Variants in DIAPH2 observed in about 807,000 individuals in gnomAD.
The protein encoded by DIAPH2 is protein diaphanous homolog 2.
In DIAPH2, 35 loss-of-function variants were observed where a neutral mutation model predicts 92.7. The ratio of observed to expected loss-of-function variants is 0.38; its 90% CI spans 0.29 to 0.50. The LOEUF (loss-of-function observed/expected upper bound fraction) is 0.50. DIAPH2 is among the 20% of genes least tolerant of loss of function. The pLI is 0.94. For missense variants in DIAPH2, 701 were observed against 819.5 expected (o/e 0.86, Z 1.77); for synonymous variants, 301 against 280.4 (o/e 1.07, Z -0.73).
chrX:97,373,095 A>G (rs891426796), intron 24 of DIAPH2, among the ~76,000 whole-genome samples: 1 of 112,343 alleles, frequency 8.9e-6, no homozygotes, highest in South Asian at 3.7e-4. Flanking sequence ...TGGAGACTCA[A>G]TGTAAACACT....
intron 23 of DIAPH2, among the ~76,000 whole-genome samples, chrX:97,262,423 C>T (rs767996326): frequency 7.2e-5 from 8 of 111,684 alleles, no homozygotes; most frequent in Non-Finnish European, 1.1e-4. Flanking sequence ...TACAAACACA[C>T]GTAAGGTATA....
intron 23 of DIAPH2, among the ~76,000 whole-genome samples, chrX:97,337,513 T>C (rs2069074673): frequency 9.0e-6 from 1 of 111,392 alleles, no homozygotes; most frequent in Non-Finnish European, 1.9e-5. Flanking sequence ...TGCCACCCTG[T>C]GAAGAGGCGC....
At chrX:97,519,753 A>G (rs756988572) in intron 26 of DIAPH2, among the ~76,000 whole-genome samples, 3 of 110,552 alleles carry the variant, frequency 2.7e-5, no homozygotes, top group African/African-American at 6.6e-5. Context: ...TTTTTTTGAG[A>G]TGGAGTCTCA....
intron 22 of DIAPH2, among the ~76,000 whole-genome samples, chrX:97,161,650 G>T (rs1351213831): frequency 9.0e-6 from 1 of 111,419 alleles, no homozygotes; most frequent in Non-Finnish European, 1.9e-5. Flanking sequence ...ATGCGTTAAG[G>T]CTGGGAAGCC....
intron 16 of DIAPH2, among the ~76,000 whole-genome samples, chrX:96,963,545 G>A (rs2065877426): frequency 9.0e-6 from 1 of 111,461 alleles, no homozygotes; most frequent in Non-Finnish European, 1.9e-5. Context: ...AGGCTGAGTG[G>A]CTCTCCTATG....
intron 22 of DIAPH2, among the ~76,000 whole-genome samples, chrX:97,233,116 C>A (rs1357173688): frequency 8.9e-6 from 1 of 112,132 alleles, no homozygotes. Context: ...GTGGTTTGTT[C>A]CCCTCACTTC....
intron 19 of DIAPH2, among the ~76,000 whole-genome samples, chrX:97,095,115 T>C (rs1275264562): frequency 8.1e-5 from 5 of 61,660 alleles, no homozygotes; most frequent in African/African-American, 3.0e-4. Context: ...TTTTTTTTTT[T>C]TTTTTTTTTT....
At chrX:97,346,289 A>G (rs961864059) in intron 23 of DIAPH2, among the ~76,000 whole-genome samples, 1 of 110,841 alleles carries the variant, frequency 9.0e-6, no homozygotes, top group Non-Finnish European at 1.9e-5. Context: ...TTGGGCGATT[A>G]AGGTTCTAAA....
At chrX:96,735,548 ATATATACACCTT>A (rs1307294429) in intron 1 of DIAPH2, among the ~76,000 whole-genome samples, 198 bp from the exon 2 acceptor site, 19 of 111,939 alleles carry the variant, frequency 1.7e-4, no homozygotes, top group African/African-American at 5.8e-4. Flanking sequence ...TTAAAAACAA[ATATATACACCTT>A]TGCCAAACCT....
At chrX:97,415,546 C>T (rs1226985333) in intron 25 of DIAPH2, among the ~76,000 whole-genome samples, 1 of 111,039 alleles carries the variant, frequency 9.0e-6, no homozygotes, top group Non-Finnish European at 1.9e-5. Flanking sequence ...AGTTCTTGTC[C>T]TTTGTAGGGA....
chrX:96,775,542 A>G (rs937112580), intron 4 of DIAPH2, among the ~76,000 whole-genome samples: 2 of 111,027 alleles, frequency 1.8e-5, no homozygotes, highest in Admixed American at 1.9e-4. Flanking sequence ...CATACCAACT[A>G]GAAACATCTT....
At chrX:97,493,563 G>A (rs2070738182) in intron 26 of DIAPH2, among the ~76,000 whole-genome samples, 1 of 111,060 alleles carries the variant, frequency 9.0e-6, no homozygotes, top group Non-Finnish European at 1.9e-5. Flanking sequence ...ACCCGGCCTG[G>A]TTATTTTTTT....
At chrX:96,782,687 G>A (rs1457402785) in intron 4 of DIAPH2, among the ~76,000 whole-genome samples, 2 of 111,381 alleles carry the variant, frequency 1.8e-5, no homozygotes, top group East Asian at 2.8e-4. Context: ...GCCCTCCTCC[G>A]CCTCCCAAAG....
chrX:97,223,108 C>T (rs1410164933), intron 22 of DIAPH2, among the ~76,000 whole-genome samples: 1 of 111,836 alleles, frequency 8.9e-6, no homozygotes, highest in Non-Finnish European at 1.9e-5. Flanking sequence ...GTATTACAGG[C>T]TTGAGCCACT....
At chrX:97,228,917 C>A (rs1032611029) in intron 22 of DIAPH2, among the ~76,000 whole-genome samples, 1 of 111,623 alleles carries the variant, frequency 9.0e-6, no homozygotes, top group Admixed American at 9.5e-5. Flanking sequence ...TAGCTTATAA[C>A]CCATGCCACA....
At chrX:96,834,632 G>C (rs1185749281) in intron 4 of DIAPH2, among the ~76,000 whole-genome samples, 1 of 111,305 alleles carries the variant, frequency 9.0e-6, no homozygotes, top group East Asian at 2.8e-4. Context: ...GGAAGTCCTT[G>C]TTTAAATTTT....
intron 17 of DIAPH2, among the ~76,000 whole-genome samples, chrX:97,039,165 G>C: frequency 9.0e-6 from 1 of 110,947 alleles, no homozygotes. Flanking sequence ...ATATTTATTT[G>C]CTTACTCATG....
intron 4 of DIAPH2, among the ~76,000 whole-genome samples, chrX:96,761,710 T>C (rs188468210): frequency 9.0e-6 from 1 of 111,518 alleles, no homozygotes; most frequent in African/African-American, 3.2e-5. Context: ...AGTATAGACC[T>C]GCTTTAATTG....
intron 4 of DIAPH2, among the ~76,000 whole-genome samples, chrX:96,815,963 G>A (rs767321514): frequency 6.3e-5 from 7 of 111,513 alleles, no homozygotes; most frequent in Admixed American, 3.8e-4. Flanking sequence ...GAGCCACCGC[G>A]CCTGGCCTGA....
Sources: gnomAD v4.1 joint callset for allele counts (sites outside exome capture counted in the v4.1 genomes callset) on GRCh38, gnomAD v4.1.1 for gene constraint, MANE v1.5 for transcripts, NCBI Gene and HGNC (gene_info 2026-07-23, HGNC 2026-07-21) for gene names.